MACROD2: variants seen among roughly 807,000 people sequenced by gnomAD.
MACROD2 encodes the protein ADP-ribose glycohydrolase MACROD2.
Under a neutral mutation model 70.4 loss-of-function variants are expected in MACROD2, and 36 were observed. That is an observed-to-expected ratio of 0.51 (90% CI 0.39 to 0.68). The LOEUF (loss-of-function observed/expected upper bound fraction) is 0.68, where lower values mean the gene tolerates loss of function less well. MACROD2 is among the 30% of genes least tolerant of loss of function. The pLI is 0.00. For missense variants in MACROD2, 496 were observed against 538.4 expected (o/e 0.92, Z 0.78); for synonymous variants, 172 against 178.8 (o/e 0.96, Z 0.30).
intron 3 of MACROD2, among the ~76,000 whole-genome samples, chr20:14,303,819 T>C (rs1404160066): frequency 2.6e-5 from 4 of 152,174 alleles, no homozygotes; most frequent in African/African-American, 9.7e-5. Context: ...AATTTCCCAA[T>C]AGAGTCATAC....
At chr20:15,773,589 T>C (rs192564445) in intron 8 of MACROD2, among the ~76,000 whole-genome samples, 1 of 152,292 alleles carries the variant, frequency 6.6e-6, no homozygotes, top group Admixed American at 6.5e-5. Context: ...TAGCCAAGTA[T>C]ATTACTGTGA....
intron 5 of MACROD2, among the ~76,000 whole-genome samples, chr20:14,692,821 C>T (rs1229231721): frequency 6.6e-6 from 1 of 152,204 alleles, no homozygotes; most frequent in Admixed American, 6.5e-5. Context: ...CTATGCTTAG[C>T]TTCTTTCATT....
At chr20:15,741,416 A>G (rs2051104766) in intron 8 of MACROD2, among the ~76,000 whole-genome samples, 1 of 151,750 alleles carries the variant, frequency 6.6e-6, no homozygotes, top group Admixed American at 6.6e-5. Context: ...CATATATTAC[A>G]CTGCTTCCGA....
chr20:14,666,797 T>TTCCACTGTA (rs1268226041), intron 4 of MACROD2, among the ~76,000 whole-genome samples: 1 of 151,912 alleles, frequency 6.6e-6, no homozygotes, highest in Non-Finnish European at 1.5e-5. Flanking sequence ...AAACTGTAGC[T>TTCCACTGTA]GTGGAAGCAG....
chr20:14,742,050 T>C (rs1163186860), intron 5 of MACROD2, among the ~76,000 whole-genome samples: 1 of 152,194 alleles, frequency 6.6e-6, no homozygotes, highest in Non-Finnish European at 1.5e-5. Flanking sequence ...GAAGTGTCAT[T>C]AGCCCACTAT....
At chr20:15,994,598 G>A (rs988509683) in intron 15 of MACROD2, among the ~76,000 whole-genome samples, 6 of 152,170 alleles carry the variant, frequency 3.9e-5, no homozygotes, top group African/African-American at 1.4e-4. Context: ...CTCTGCCAAT[G>A]TCTTTGATGG....
At chr20:14,802,858 ATT>A (rs151210586) in intron 5 of MACROD2, among the ~76,000 whole-genome samples, 1 of 150,948 alleles carries the variant, frequency 6.6e-6, no homozygotes, top group Non-Finnish European at 1.5e-5. Context: ...TCTGCAAAAG[ATT>A]TTTTTTTCAG....
chr20:15,250,415 G>T (rs543075767), intron 6 of MACROD2, among the ~76,000 whole-genome samples: 1 of 152,088 alleles, frequency 6.6e-6, no homozygotes, highest in East Asian at 1.9e-4. Context: ...CGTTGCATTC[G>T]CTTTGACTTT....
intron 5 of MACROD2, among the ~76,000 whole-genome samples, chr20:14,744,855 G>A (rs2071779522): frequency 6.6e-6 from 1 of 152,060 alleles, no homozygotes; most frequent in Non-Finnish European, 1.5e-5. Context: ...TCAAACCCCA[G>A]CCAAACTGGT....
intron 8 of MACROD2, among the ~76,000 whole-genome samples, chr20:15,664,294 A>G (rs2049865980): frequency 6.6e-6 from 1 of 152,242 alleles, no homozygotes; most frequent in Admixed American, 6.5e-5. Context: ...AAGGGTTTAG[A>G]TTAAATGATC....
At chr20:14,640,516 T>C (rs1378686999) in intron 4 of MACROD2, among the ~76,000 whole-genome samples, 1 of 152,136 alleles carries the variant, frequency 6.6e-6, no homozygotes, top group Admixed American at 6.5e-5. Flanking sequence ...GAGAGACAGG[T>C]GGCAAGGTCA....
chr20:15,342,235 G>A (rs1264649995), intron 6 of MACROD2, among the ~76,000 whole-genome samples: 1 of 152,122 alleles, frequency 6.6e-6, no homozygotes, highest in Non-Finnish European at 1.5e-5. Context: ...CATGTTTTCT[G>A]CAGATCAACG....
At chr20:15,486,541 T>C (rs1381947768) in intron 7 of MACROD2, among the ~76,000 whole-genome samples, 1 of 152,166 alleles carries the variant, frequency 6.6e-6, no homozygotes, top group African/African-American at 2.4e-5. Flanking sequence ...TAGAGACCTG[T>C]TTTGCTCACT....
At chr20:14,483,414 A>T (rs547141893) in intron 3 of MACROD2, among the ~76,000 whole-genome samples, 4 of 149,828 alleles carry the variant, frequency 2.7e-5, no homozygotes, top group South Asian at 2.1e-4. Context: ...TTTTATTTTT[A>T]TTTTTTTTTG....
intron 6 of MACROD2, among the ~76,000 whole-genome samples, chr20:15,292,628 G>A (rs1020402584): frequency 2.6e-5 from 4 of 152,170 alleles, no homozygotes; most frequent in Non-Finnish European, 5.9e-5. Context: ...TCTAATTCAT[G>A]ATGAAAATGC....
intron 5 of MACROD2, among the ~76,000 whole-genome samples, chr20:14,739,083 A>G (rs1369087945): frequency 6.6e-6 from 1 of 152,076 alleles, no homozygotes; most frequent in Non-Finnish European, 1.5e-5. Flanking sequence ...AATATATACC[A>G]TCATATGCTG....
At chr20:15,911,701 A>C (rs771052288) in intron 10 of MACROD2, among the ~76,000 whole-genome samples, 3 of 152,228 alleles carry the variant, frequency 2.0e-5, no homozygotes, top group Non-Finnish European at 1.5e-5. Flanking sequence ...AAAGCTAAAC[A>C]AAAGAGAGAG....
rs1167827042 is a variant in MACROD2 at position 13,995,607 on chromosome 20, A to G, written c.-157A>G. ...CGCGGGCTGAGGGAGGAGGGCGGCG[A>G]CTGGAGAGCGGCGAGCGGCGAGCAG... On this transcript the variant is annotated 5_prime_UTR_variant, in exon 1 of 18. Transcript: ENST00000684519. This position sits in a 1 kb window ranked among gnomAD's most constrained non-coding sequence, Gnocchi z 4.3. 1 of 743,174 alleles carries G rather than the reference A, an allele frequency of 1.3e-6. No individual in the cohort carries two copies. Among genetic ancestry groups the G allele is most frequent in the East Asian group, 2.7e-5 (1 of 37,016 alleles). The allele number at this position is 743,174 out of a possible 1,614,324, so 46.0% of individuals were successfully genotyped here. A position where few individuals can be genotyped will look rare whatever the true frequency, so the allele number is the denominator to read the frequency against.
intron 5 of MACROD2, among the ~76,000 whole-genome samples, chr20:14,866,992 C>T (rs1438818484): frequency 6.6e-6 from 1 of 152,016 alleles, no homozygotes; most frequent in East Asian, 1.9e-4. Flanking sequence ...AATTTTCCCC[C>T]CTGCCTGTAA....
Sources: allele counts gnomAD v4.1 joint callset (sites outside exome capture counted in the v4.1 genomes callset), GRCh38; gene constraint gnomAD v4.1.1; non-coding constraint Gnocchi (gnomAD v3.1); transcripts MANE v1.5; gene names NCBI Gene and HGNC (gene_info 2026-07-23, HGNC 2026-07-21).